Variants in FMNL2 observed in about 807,000 individuals in gnomAD.
FMNL2 encodes formin like 2.
Under a neutral mutation model 130.2 loss-of-function variants are expected in FMNL2, and 51 were observed. The observed-to-expected ratio is 0.39, with a 90% CI of 0.31 to 0.49. The LOEUF (loss-of-function observed/expected upper bound fraction) is 0.49, where lower values mean the gene tolerates loss of function less well. Among genes scored for constraint, FMNL2 ranks in the 20% least tolerant of loss-of-function variants. The pLI is 0.85. For missense variants in FMNL2, 977 were observed against 1,316.2 expected (o/e 0.74, Z 3.99); for synonymous variants, 465 against 467.1 (o/e 1.00, Z 0.06).
chr2:152,366,558 A>T (rs1250566431), intron 1 of FMNL2, among the ~76,000 whole-genome samples: 1 of 152,230 alleles, frequency 6.6e-6, no homozygotes, highest in Admixed American at 6.5e-5. Flanking sequence ...AGAGCTCCTG[A>T]TGCTGGATTA....
At chr2:152,475,620 G>T (rs59965317) in intron 1 of FMNL2, among the ~76,000 whole-genome samples, 21,718 of 151,716 alleles carry the variant, frequency 0.14, 2,073 homozygotes, top group East Asian at 0.29. Flanking sequence ...TCAGCTTCCC[G>T]AGTCGCTGGG....
At chr2:152,490,616 T>TGTGTGTGTTG (rs70974867) in intron 1 of FMNL2, among the ~76,000 whole-genome samples, 1 of 142,014 alleles carries the variant, frequency 7.0e-6, no homozygotes, top group Non-Finnish European at 1.5e-5. Flanking sequence ...TGTGTGTGTG[T>TGTGTGTGTTG]TGGATAAACT....
intron 4 of FMNL2, among the ~76,000 whole-genome samples, chr2:152,553,042 G>A (rs1199436893): frequency 6.6e-6 from 1 of 152,186 alleles, no homozygotes; most frequent in Non-Finnish European, 1.5e-5. Flanking sequence ...GATGGCAGAA[G>A]GAATGTGGCA....
intron 9 of FMNL2, among the ~76,000 whole-genome samples, chr2:152,594,024 G>T (rs1180012266): frequency 6.6e-6 from 1 of 152,024 alleles, no homozygotes; most frequent in Non-Finnish European, 1.5e-5. Flanking sequence ...AAGAGACAAG[G>T]TTAGAATGGG....
In FMNL2 at chr2:152,505,683, TAGA is replaced by T. The variant is rs200032772; in HGVS notation, c.118-16254_118-16252del. 2.7e-3 allele frequency among the ~76,000 whole-genome samples: 415 copies of T among 152,252 alleles called. 1 individual carries two copies. Among genetic ancestry groups the T allele is most frequent in the Non-Finnish European group, 5.0e-3 (340 of 68,032 alleles). ...ACTTCAGAGTCACAGGACTGTGGGTTAGAAGAAGGATACTAAGGGTCATCGGGC... is the reference window on the plus strand; with the variant it reads ...ACTTCAGAGTCACAGGACTGTGGGTTAGAAGGATACTAAGGGTCATCGGGC... On this transcript the variant is annotated intron_variant, in intron 1 of 25. Transcript: ENST00000288670.
intron 4 of FMNL2, among the ~76,000 whole-genome samples, chr2:152,554,100 T>C (rs1695083099): frequency 6.6e-6 from 1 of 152,172 alleles, no homozygotes; most frequent in African/African-American, 2.4e-5. Context: ...TCAGTGAACT[T>C]TTTGTGCTCT....
intron 1 of FMNL2, among the ~76,000 whole-genome samples, chr2:152,482,873 A>G (rs1659052215): frequency 6.6e-6 from 1 of 152,188 alleles, no homozygotes; most frequent in Non-Finnish European, 1.5e-5. Flanking sequence ...AACACAGGTT[A>G]CTGGTGAATT....
intron 5 of FMNL2, among the ~76,000 whole-genome samples, chr2:152,559,122 T>C (rs1164810205): frequency 6.6e-6 from 1 of 152,192 alleles, no homozygotes; most frequent in Admixed American, 6.5e-5. Flanking sequence ...TAACAGTTGG[T>C]GAAAGAGGTA....
Position 152,424,755 on chromosome 2 carries a change from A to G in FMNL2, c.117+89035A>G, listed in dbSNP as rs573569967. On this transcript the variant is annotated intron_variant, in intron 1 of 25. Transcript: ENST00000288670. ...ATTTGCTTCTGGCAGACTTTCATCC[A>G]GTTCAAGACCCTTTTAACTTATCAA... Among the ~76,000 whole-genome samples the G allele has an allele frequency of 2.0e-5, 3 of 152,302 alleles. No homozygotes were observed. The East Asian group carries it at 5.8e-4, about 29-fold the overall frequency.
At chr2:152,433,945 A>G (rs1229955189) in intron 1 of FMNL2, among the ~76,000 whole-genome samples, 1 of 152,194 alleles carries the variant, frequency 6.6e-6, no homozygotes, top group Admixed American at 6.6e-5. Context: ...ATGCAAGGCC[A>G]AACAACGAAT....
intron 1 of FMNL2, among the ~76,000 whole-genome samples, chr2:152,379,529 C>T (rs1343933790): frequency 6.6e-6 from 1 of 152,180 alleles, no homozygotes; most frequent in East Asian, 1.9e-4. Context: ...ATTATTTCTT[C>T]ATCCTTCAAT....
intron 1 of FMNL2, among the ~76,000 whole-genome samples, chr2:152,369,810 T>C (rs1433346504): frequency 6.6e-6 from 1 of 152,260 alleles, no homozygotes; most frequent in East Asian, 1.9e-4. Flanking sequence ...TTTTCTTCTT[T>C]CTTTTTAACA....
At chr2:152,518,406 C>G (rs1230381880) in intron 1 of FMNL2, among the ~76,000 whole-genome samples, 1 of 152,184 alleles carries the variant, frequency 6.6e-6, no homozygotes, top group Non-Finnish European at 1.5e-5. Context: ...CTGACAATAA[C>G]TAATCATGCT....
chr2:152,364,888 C>A (rs562841731), intron 1 of FMNL2, among the ~76,000 whole-genome samples: 32 of 152,190 alleles, frequency 2.1e-4, no homozygotes, highest in Non-Finnish European at 3.4e-4. Flanking sequence ...ACCCCTCCTG[C>A]AAACCCTAAA....
chr2:152,628,732 A>G (rs1327814041), intron 18 of FMNL2, among the ~76,000 whole-genome samples, 199 bp downstream of exon 18: 2 of 152,202 alleles, frequency 1.3e-5, no homozygotes, highest in Non-Finnish European at 2.9e-5. Flanking sequence ...GAATGTTCAT[A>G]TTCCATATTG....
At chr2:152,571,652 G>T (rs1558973081) in intron 6 of FMNL2, among the ~76,000 whole-genome samples, 1 of 152,188 alleles carries the variant, frequency 6.6e-6, no homozygotes, top group Non-Finnish European at 1.5e-5. Context: ...TTTGTAGAAA[G>T]TTTATTCAAA....
chr2:152,599,405 CTTT>C (rs35753197), intron 9 of FMNL2, among the ~76,000 whole-genome samples: 81 of 45,060 alleles, frequency 1.8e-3, no homozygotes, highest in African/African-American at 4.5e-3. Flanking sequence ...TGAAGGTCAT[CTTT>C]TTTTTTTTTT....
intron 15 of FMNL2, among the ~76,000 whole-genome samples, chr2:152,620,700 T>C (rs1699205288): frequency 1.3e-5 from 2 of 152,126 alleles, no homozygotes; most frequent in South Asian, 4.1e-4. Flanking sequence ...GATTTCCCAA[T>C]CTCCATCCCT....
chr2:152,397,810 G>A (rs1230519613), intron 1 of FMNL2, among the ~76,000 whole-genome samples: 2 of 152,076 alleles, frequency 1.3e-5, no homozygotes, highest in East Asian at 1.9e-4. Flanking sequence ...GTGAGCCAGC[G>A]TTGTCACTGG....
Sources: allele counts gnomAD v4.1 joint callset (sites outside exome capture counted in the v4.1 genomes callset), GRCh38; gene constraint gnomAD v4.1.1; transcripts MANE v1.5; gene names NCBI Gene and HGNC (gene_info 2026-07-23, HGNC 2026-07-21).